ADCK1: variants seen among roughly 807,000 people sequenced by gnomAD.
ADCK1 encodes the protein aarF domain containing kinase 1.
In ADCK1, 41 loss-of-function variants were observed where a neutral mutation model predicts 52.3. The ratio of observed to expected loss-of-function variants is 0.78; its 90% CI spans 0.61 to 1.02. The LOEUF (loss-of-function observed/expected upper bound fraction) is 1.02, where lower values mean the gene tolerates loss of function less well. Among genes scored for constraint, ADCK1 ranks in the 50% least tolerant of loss-of-function variants. The pLI is 0.00. For synonymous variants in ADCK1, 250 were observed against 274.6 expected, an observed-to-expected ratio of 0.91 and a Z score of 0.89; for missense variants, 658 against 679.5, an observed-to-expected ratio of 0.97 and a Z score of 0.35.
chr14:77,931,657 C>G lies in ADCK1; in HGVS notation c.1346C>G (p.Ala449Gly). ...ATTGAGGCCGCCCTGGGCACCCGCG[C>G]CAGCGCCAGCTCCTTTCTCAACATG... Reference protein sequence around the residue: ...RGIEAALGTRASASSFLNMSR... With the variant: ...RGIEAALGTRGSASSFLNMSR... The change falls in exon 10 of 11, where the codon GCC becomes GGC. Residue 449 changes from alanine (A) to glycine (G), a missense_variant. Transcript: ENST00000238561. 6.2e-7 allele frequency: 1 copy of G among 1,610,164 alleles called. No individual in the cohort carries two copies.
At position 77,933,623 on chromosome 14, in the gene ADCK1, G is replaced by T. The variant is rs2084393672; in HGVS notation, c.*232G>T. On this transcript the variant is annotated 3_prime_UTR_variant, in exon 11 of 11. Coordinates refer to ENST00000238561, the MANE Select transcript of ADCK1 (RefSeq NM_020421.4). ...CTCTCTTCTTCTCCAAGAAGACTCA[G>T]CAGCCTACATTCCCATTCCTGGTAT... 2 of 520,828 alleles carry T rather than the reference G, an allele frequency of 3.8e-6. No homozygotes were observed. The highest frequency in any genetic ancestry group is 6.3e-5 in the South Asian group (2 of 31,560). The allele number at this position is 520,828 out of a possible 1,614,324, so 32.3% of individuals were successfully genotyped here. A position where few individuals can be genotyped will look rare whatever the true frequency, so the allele number is the denominator to read the frequency against.
intron 3 of ADCK1, among the ~76,000 whole-genome samples, chr14:77,844,519 C>A (rs565117703): frequency 2.0e-5 from 3 of 152,312 alleles, no homozygotes; most frequent in East Asian, 1.9e-4. Context: ...GCTCTCCCCC[C>A]TGTTGGACTC....
chr14:77,869,829 C>G (rs926041665), intron 4 of ADCK1, among the ~76,000 whole-genome samples: 1 of 152,188 alleles, frequency 6.6e-6, no homozygotes, highest in African/African-American at 2.4e-5. Context: ...CTGCCATTGA[C>G]AGCTTTTAGC....
At chr14:77,919,557 T>C (rs1226022348) in intron 7 of ADCK1, among the ~76,000 whole-genome samples, 1 of 152,206 alleles carries the variant, frequency 6.6e-6, no homozygotes, top group East Asian at 1.9e-4. Context: ...CATGCATGTG[T>C]GTCTTTTTCA....
At chr14:77,893,162 AC>A (rs2083318512) in intron 5 of ADCK1, among the ~76,000 whole-genome samples, 1 of 152,128 alleles carries the variant, frequency 6.6e-6, no homozygotes, top group Non-Finnish European at 1.5e-5. Context: ...ACGGCCAGTG[AC>A]TCTTATTGAT....
At chr14:77,816,035 A>C (rs2081442877) in intron 1 of ADCK1, among the ~76,000 whole-genome samples, 1 of 151,936 alleles carries the variant, frequency 6.6e-6, no homozygotes, top group Non-Finnish European at 1.5e-5. Context: ...TGGAACTCCT[A>C]ACCTCAAGAG....
At chr14:77,815,312 C>T (rs1317534238) in intron 1 of ADCK1, among the ~76,000 whole-genome samples, 2 of 150,140 alleles carry the variant, frequency 1.3e-5, no homozygotes, top group African/African-American at 4.9e-5. Flanking sequence ...CTCAAGGGAT[C>T]CTCCCACTTC....
intron 6 of ADCK1, among the ~76,000 whole-genome samples, chr14:77,899,992 C>T (rs1462002930): frequency 6.6e-6 from 1 of 151,498 alleles, no homozygotes; most frequent in East Asian, 1.9e-4. Flanking sequence ...ATCACTTGAA[C>T]CCGGGAGGTG....
chr14:77,906,790 CT>C (rs976330849), intron 6 of ADCK1, among the ~76,000 whole-genome samples: 38 of 151,994 alleles, frequency 2.5e-4, no homozygotes, highest in Non-Finnish European at 5.0e-4. Context: ...CAAATACCCC[CT>C]TTTTTTTAAA....
chr14:77,838,939 A>G (rs561280694), intron 3 of ADCK1, among the ~76,000 whole-genome samples: 1 of 152,086 alleles, frequency 6.6e-6, no homozygotes, highest in African/African-American at 2.4e-5. Context: ...CAATGATGGG[A>G]CTCAAAAGCA....
chr14:77,852,780 A>G (rs1475514028), intron 3 of ADCK1, among the ~76,000 whole-genome samples: 2 of 131,654 alleles, frequency 1.5e-5, no homozygotes, highest in Non-Finnish European at 3.2e-5. Context: ...TCCACAGTTC[A>G]CTGATGTTCT....
At chr14:77,813,325 T>C (rs2081373808) in intron 1 of ADCK1, among the ~76,000 whole-genome samples, 1 of 151,832 alleles carries the variant, frequency 6.6e-6, no homozygotes, top group African/African-American at 2.4e-5. Context: ...TATTATTTTT[T>C]TGGAGATGGA....
chr14:77,908,115 C>T (rs2083709744), intron 7 of ADCK1, 196 bp downstream of exon 7: 5 of 488,110 alleles, frequency 1.0e-5, no homozygotes, highest in Non-Finnish European at 1.9e-5. Context: ...GTGCACACAG[C>T]GGCCTGCAGG....
chr14:77,819,982 G>A (rs2081545682), intron 2 of ADCK1, among the ~76,000 whole-genome samples: 1 of 152,216 alleles, frequency 6.6e-6, no homozygotes, highest in Admixed American at 6.5e-5. Flanking sequence ...CTGAGTCGTA[G>A]AACCAATACT....
At chr14:77,882,244 C>T (rs112607710) in intron 4 of ADCK1, among the ~76,000 whole-genome samples, 4 of 151,818 alleles carry the variant, frequency 2.6e-5, no homozygotes, top group African/African-American at 9.7e-5. Flanking sequence ...GCAGCTGGCA[C>T]CCAGCCAGGT....
At chr14:77,801,625 G>A (rs994668374) in intron 1 of ADCK1, among the ~76,000 whole-genome samples, 1 of 152,068 alleles carries the variant, frequency 6.6e-6, no homozygotes, top group Non-Finnish European at 1.5e-5. Flanking sequence ...TCATTTTCTT[G>A]TCAGACAAAG....
chr14:77,822,126 G>T lies in ADCK1; in HGVS notation c.136-309G>T, dbSNP rs141260186. On this transcript the variant is annotated intron_variant, in intron 2 of 10. Transcript: ENST00000238561. ...GAGTTTAAGCTTATAGGAAGAGACA[G>T]TTCATAAACAAGGAGACAAATGAGC... is the stretch of plus-strand genomic sequence containing the variant. 2.0e-5 allele frequency among the ~76,000 whole-genome samples: 3 copies of T among 152,282 alleles called. No individual in the cohort carries two copies. The East Asian group carries it at 5.8e-4, about 29-fold the overall frequency.
At chr14:77,928,425 A>G (rs976494423) in intron 9 of ADCK1, among the ~76,000 whole-genome samples, 3 of 151,688 alleles carry the variant, frequency 2.0e-5, no homozygotes, top group Admixed American at 1.3e-4. Context: ...GGTTCTCAGT[A>G]TATTTGTTTT....
chr14:77,926,638 G>C (rs146017133), intron 9 of ADCK1, among the ~76,000 whole-genome samples: 1 of 152,206 alleles, frequency 6.6e-6, no homozygotes, highest in Non-Finnish European at 1.5e-5. Flanking sequence ...ACATCACCAT[G>C]CCTGGCTAAT....
Sources: allele counts gnomAD v4.1 joint callset (sites outside exome capture counted in the v4.1 genomes callset), GRCh38; gene constraint gnomAD v4.1.1; transcripts MANE v1.5; gene names NCBI Gene and HGNC (gene_info 2026-07-23, HGNC 2026-07-21).